The following RAB12 variants were observed in gnomAD, a reference collection of about 807,000 sequenced individuals.
RAB12 encodes the protein RAB12, member RAS oncogene family, also known as ras-related protein Rab-12.
Under a neutral mutation model 28.4 loss-of-function variants are expected in RAB12, and 11 were observed. That is an observed-to-expected ratio of 0.39 (90% confidence interval 0.24 to 0.64). RAB12 has a LOEUF of 0.64. Ranked by LOEUF, RAB12 falls within the 30% of genes least tolerant of loss-of-function variation. The pLI is 0.50. For synonymous variants in RAB12, 138 were observed against 145.3 expected, an observed-to-expected ratio of 0.95 and a Z score of 0.36; for missense variants, 276 against 351.1, an observed-to-expected ratio of 0.79 and a Z score of 1.71.
At chr18:8,617,155 T>C (rs2096007144) in intron 1 of RAB12, among the ~76,000 whole-genome samples, 1 of 152,232 alleles carries the variant, frequency 6.6e-6, no homozygotes, top group Non-Finnish European at 1.5e-5. Context: ...AGTATAGGCA[T>C]AAATGAAGTT....
chr18:8,619,894 C>T (rs574816333), intron 1 of RAB12, among the ~76,000 whole-genome samples: 61 of 152,074 alleles, frequency 4.0e-4, no homozygotes, highest in Non-Finnish European at 1.5e-4. Flanking sequence ...CCTATAAACC[C>T]AGCACTTGGA....
chr18:8,635,351 A>T (rs2096018266), intron 3 of RAB12, 182 bp from the exon 4 acceptor site: 1 of 496,496 alleles, frequency 2.0e-6, no homozygotes, highest in Non-Finnish European at 3.5e-6. Flanking sequence ...TCTTTCTAAG[A>T]CACAGTGAGC....
At chr18:8,636,183 A>G in intron 4 of RAB12, 70 bp from the exon 5 acceptor site, 1 of 983,250 alleles carries the variant, frequency 1.0e-6, no homozygotes, top group Non-Finnish European at 1.6e-6. Context: ...AGCTGAGCCC[A>G]GAGACCTCAT....
chr18:8,636,970 A>C (rs752680729), intron 5 of RAB12, among the ~76,000 whole-genome samples: 3 of 152,220 alleles, frequency 2.0e-5, no homozygotes, highest in Admixed American at 6.5e-5. Context: ...CTTCTAATAA[A>C]GTAATTGTTT....
At chr18:8,617,455 T>G (rs910677418) in intron 1 of RAB12, among the ~76,000 whole-genome samples, 3 of 151,866 alleles carry the variant, frequency 2.0e-5, no homozygotes, top group Non-Finnish European at 2.9e-5. Context: ...GATCATGGTT[T>G]TTTTTTTTTT....
rs2096004757 is a variant in RAB12 at position 8,613,099 on chromosome 18, T to C, written c.514+3146T>C. 3.3e-5 allele frequency among the ~76,000 whole-genome samples: 5 copies of C among 152,346 alleles called. No individual in the cohort carries two copies. In the South Asian group the frequency reaches 1.0e-3, roughly 32 times the overall value. Reference sequence around the variant, plus strand: ...GTTGTTTTTTGTATTGTTAATCAAATCAGAAACTGGTTTAAAAGATTTACA... The same window carrying C: ...GTTGTTTTTTGTATTGTTAATCAAACCAGAAACTGGTTTAAAAGATTTACA... On this transcript the variant is annotated intron_variant, in intron 1 of 5. Transcript: ENST00000649141.
Position 8,618,364 on chromosome 18 carries a change from G to A in RAB12, c.515-6574G>A, listed in dbSNP as rs1185493783. On this transcript the variant is annotated intron_variant, in intron 1 of 5. Transcript: ENST00000649141. ...TAGGATTTTAATAGTACCTGCTTCT[G>A]AGTTGATCAAAATATTTTATAGTTA... Among the ~76,000 whole-genome samples the A allele has an allele frequency of 2.0e-5, 3 of 152,086 alleles. No homozygotes were observed. In the East Asian group the frequency reaches 5.8e-4, roughly 29 times the overall value.
At chr18:8,634,878 T>G (rs1332592788) in intron 3 of RAB12, among the ~76,000 whole-genome samples, 2 of 152,372 alleles carry the variant, frequency 1.3e-5, no homozygotes, top group African/African-American at 4.8e-5. Context: ...TAACCTCATT[T>G]TTAAAGACAG....
rs112135003 is a variant in RAB12, at chr18:8,629,771, G to T, written c.576-3418G>T. 7.4e-3 allele frequency among the ~76,000 whole-genome samples: 1,123 copies of T among 152,288 alleles called. 21 individuals are homozygous for T. The highest frequency in any genetic ancestry group is 0.026 in the African/African-American group (1,067 of 41,564). ...CAGCATGGCCAAGGGGTGTTTCTAG[G>T]GACCCAGTCCCACAGGTGCCTAAGG... is the stretch of plus-strand genomic sequence containing the variant. On this transcript the variant is annotated intron_variant, in intron 2 of 5. Transcript: ENST00000649141.
intron 2 of RAB12, among the ~76,000 whole-genome samples, chr18:8,625,199 G>A (rs893010202): frequency 2.0e-5 from 3 of 152,218 alleles, no homozygotes; most frequent in African/African-American, 7.2e-5. Flanking sequence ...TTGCACATGG[G>A]GAGCAGTTGT....
At chr18:8,617,857 A>G (rs1292185646) in intron 1 of RAB12, among the ~76,000 whole-genome samples, 2 of 152,186 alleles carry the variant, frequency 1.3e-5, no homozygotes, top group Non-Finnish European at 2.9e-5. Flanking sequence ...TTTTTCATCT[A>G]TAAAATATAG....
chr18:8,619,170 T>C (rs1386305557), intron 1 of RAB12, among the ~76,000 whole-genome samples: 1 of 152,182 alleles, frequency 6.6e-6, no homozygotes, highest in Non-Finnish European at 1.5e-5. Flanking sequence ...CTTGAAAGTA[T>C]TAAGTAAAAT....
chr18:8,627,108 T>C (rs550375749), intron 2 of RAB12, among the ~76,000 whole-genome samples: 6 of 152,388 alleles, frequency 3.9e-5, no homozygotes, highest in East Asian at 1.9e-4. Context: ...AGAATCATGA[T>C]TGTAATTTGT....
chr18:8,634,735 AC>A (rs929125189), intron 3 of RAB12, among the ~76,000 whole-genome samples: 1 of 151,878 alleles, frequency 6.6e-6, no homozygotes, highest in Non-Finnish European at 1.5e-5. Context: ...TGTTACCCAC[AC>A]CTCCCTGATA....
At chr18:8,629,744 A>C (rs942669430) in intron 2 of RAB12, among the ~76,000 whole-genome samples, 2 of 152,198 alleles carry the variant, frequency 1.3e-5, no homozygotes, top group African/African-American at 4.8e-5. Context: ...CAGAAATTGT[A>C]ACAGCATGGC....
intron 2 of RAB12, 101 bp from the exon 3 acceptor site, chr18:8,633,088 T>C: frequency 2.7e-6 from 4 of 1,473,258 alleles, no homozygotes; most frequent in Non-Finnish European, 2.8e-6. Flanking sequence ...TCGTTCTTTT[T>C]TCGCAGAAAA....
intron 5 of RAB12, among the ~76,000 whole-genome samples, chr18:8,637,317 G>C (rs1041630779): frequency 8.6e-5 from 13 of 151,712 alleles, no homozygotes; most frequent in African/African-American, 3.1e-4. Flanking sequence ...GCCAAGGTAG[G>C]TTATGTCTGT....
In RAB12 at chr18:8,636,375, C is replaced by T; in HGVS notation, c.909+18C>T. On this transcript the variant is annotated intron_variant, in intron 5 of 5. Coordinates refer to ENST00000649141, the MANE Select transcript of RAB12 (RefSeq NM_001025300.3). ...TGAAAAAGGTAAAAAAAAGAATCTA[C>T]ATTATAAAAGTATATCATCTGAAAC... 7.0e-7 allele frequency: 1 copy of T among 1,437,852 alleles called. No homozygotes were observed. Among genetic ancestry groups the T allele is most frequent in the Non-Finnish European group, 9.7e-7 (1 of 1,032,146 alleles). The allele number at this position is 1,437,852 out of a possible 1,614,324, so 89.1% of individuals were successfully genotyped here.
intron 1 of RAB12, among the ~76,000 whole-genome samples, chr18:8,620,164 T>TTTTTAAA (rs1241560251): frequency 3.6e-5 from 2 of 55,346 alleles, no homozygotes; most frequent in African/African-American, 1.0e-4. Flanking sequence ...TTTTTTTGCT[T>TTTTTAAA]CAAAAAAAAA....
Sources: allele counts gnomAD v4.1 joint callset (sites outside exome capture counted in the v4.1 genomes callset), GRCh38; gene constraint gnomAD v4.1.1; transcripts MANE v1.5; gene names NCBI Gene and HGNC (gene_info 2026-07-23, HGNC 2026-07-21).